Variants in EIF2AK3 observed in about 807,000 individuals in gnomAD.
EIF2AK3 encodes eukaryotic translation initiation factor 2-alpha kinase 3.
A neutral mutation model predicts 113.5 loss-of-function variants in EIF2AK3; 50 were observed. The ratio of observed to expected loss-of-function variants is 0.44; its 90% CI spans 0.35 to 0.56. EIF2AK3 has a LOEUF of 0.56. Among genes scored for constraint, EIF2AK3 ranks in the 20% least tolerant of loss-of-function variants. EIF2AK3 has a pLI of 0.00. For synonymous variants in EIF2AK3, 448 were observed against 495.4 expected, an observed-to-expected ratio of 0.90 and a Z score of 1.27; for missense variants, 1,185 against 1,378.0, an observed-to-expected ratio of 0.86 and a Z score of 2.22.
intron 1 of EIF2AK3, among the ~76,000 whole-genome samples, chr2:88,617,860 T>C (rs902885104): frequency 1.3e-4 from 20 of 151,798 alleles, no homozygotes; most frequent in African/African-American, 4.6e-4. Context: ...GAAATAAAAG[T>C]TGAACTTAAA....
chr2:88,599,029 CT>C (rs1197054343), intron 2 of EIF2AK3, among the ~76,000 whole-genome samples: 4 of 149,190 alleles, frequency 2.7e-5, no homozygotes, highest in Non-Finnish European at 4.5e-5. Context: ...TTTTTTTTTT[CT>C]TTTTTGGTAC....
chr2:88,569,637 C>T (rs1430383923), intron 14 of EIF2AK3, among the ~76,000 whole-genome samples: 1 of 151,972 alleles, frequency 6.6e-6, no homozygotes. Flanking sequence ...CAATAGTTTC[C>T]AAATGACTAA....
At position 88,560,836 on chromosome 2, in the gene EIF2AK3, A is replaced by C. The variant is rs978058978; in HGVS notation, c.3087+1453T>G. ...TCATTTTGCTCTATGTGAGAACTAC[A>C]TCCTCTTCTACCATGGCCAGAGATC... On this transcript the variant is annotated intron_variant, in intron 15 of 16. Transcript: ENST00000303236. Among the ~76,000 whole-genome samples, 4 of 151,736 alleles carry C rather than the reference A, an allele frequency of 2.6e-5. No individual in the cohort carries two copies. The East Asian group carries it at 7.7e-4, about 29-fold the overall frequency.
rs191337966 is a variant in EIF2AK3 at position 88,612,474 on chromosome 2, C to A, written c.438+1250G>T. Among the ~76,000 whole-genome samples the A allele has an allele frequency of 1.7e-3, 257 of 152,286 alleles. 1 individual carries two copies. Among genetic ancestry groups the A allele is most frequent in the African/African-American group, 5.9e-3 (247 of 41,544 alleles). On this transcript the variant is annotated intron_variant, in intron 2 of 16. Transcript: ENST00000303236. ...CTTAATGTAATTTACAATCAAATTG[C>A]TATTTGTATTAATAATTCATAATAC...
chr2:88,609,810 G>T (rs928609881), intron 2 of EIF2AK3, among the ~76,000 whole-genome samples: 1 of 151,788 alleles, frequency 6.6e-6, no homozygotes, highest in Admixed American at 6.6e-5. Context: ...GTGAATTCTA[G>T]AATACTGGAA....
rs368228132 is a variant in EIF2AK3 at position 88,592,730 on chromosome 2, T to A, written c.767+542A>T. On this transcript the variant is annotated intron_variant, in intron 4 of 16. Transcript: ENST00000303236. ...GTGAGCTAAGATCATGCCATTGCACTCCAGCCTGGGCAACAAGAGTGAAAC... is the reference window on the plus strand; with the variant it reads ...GTGAGCTAAGATCATGCCATTGCACACCAGCCTGGGCAACAAGAGTGAAAC... Among the ~76,000 whole-genome samples the A allele has an allele frequency of 6.1e-4, 86 of 141,704 alleles. 3 individuals carry two copies. In the South Asian group the frequency reaches 0.019, roughly 31 times the overall value. 93.0% of individuals were successfully genotyped at this position (141,704 alleles called of 152,430 possible).
At chr2:88,626,584 G>A (rs2103991075) in intron 1 of EIF2AK3, among the ~76,000 whole-genome samples, 2 of 152,382 alleles carry the variant, frequency 1.3e-5, no homozygotes, top group Admixed American at 6.5e-5. Flanking sequence ...TCTCAAAACA[G>A]CTGTCACGCC....
At chr2:88,576,041 G>C (rs948629618) in intron 12 of EIF2AK3, among the ~76,000 whole-genome samples, 1 of 152,310 alleles carries the variant, frequency 6.6e-6, no homozygotes, top group East Asian at 1.9e-4. Flanking sequence ...TTCAGGCTAA[G>C]TTTATGTATT....
chr2:88,592,380 G>A (rs1674909532), intron 4 of EIF2AK3, among the ~76,000 whole-genome samples: 1 of 152,240 alleles, frequency 6.6e-6, no homozygotes, highest in East Asian at 1.9e-4. Flanking sequence ...TAATTAGAGA[G>A]TCAAATAAGT....
At chr2:88,578,893 A>G (rs913816724) in intron 11 of EIF2AK3, among the ~76,000 whole-genome samples, 6 of 152,206 alleles carry the variant, frequency 3.9e-5, no homozygotes, top group Admixed American at 2.6e-4. Context: ...ATTCTAACAA[A>G]TTAGAAACCA....
chr2:88,607,941 A>G (rs2104461589), intron 2 of EIF2AK3, among the ~76,000 whole-genome samples: 1 of 152,356 alleles, frequency 6.6e-6, no homozygotes, highest in Non-Finnish European at 1.5e-5. Context: ...AGGAAATTAA[A>G]GCTCTACTGA....
rs144023546 is a variant in EIF2AK3 at position 88,608,519 on chromosome 2, C to T, written c.438+5205G>A. Among the ~76,000 whole-genome samples, 489 of 152,134 alleles carry T rather than the reference C, an allele frequency of 3.2e-3. 5 individuals are homozygous for T. The highest frequency in any genetic ancestry group is 6.0e-3 in the East Asian group (31 of 5,178). ...CTGCCTGCTACAACTGGCCCTCTTC[C>T]CTACACCAGCCTTTACAACCAAACA... is the stretch of plus-strand genomic sequence containing the variant. On this transcript the variant is annotated intron_variant, in intron 2 of 16. Coordinates refer to ENST00000303236, the MANE Select transcript of EIF2AK3 (RefSeq NM_004836.7).
chr2:88,620,172 T>G (rs530044346), intron 1 of EIF2AK3, among the ~76,000 whole-genome samples: 1 of 152,310 alleles, frequency 6.6e-6, no homozygotes, highest in South Asian at 2.1e-4. Context: ...AAGGTCACAC[T>G]GCTTGGTGTG....
intron 10 of EIF2AK3, among the ~76,000 whole-genome samples, chr2:88,581,940 A>G (rs1674610042): frequency 6.6e-6 from 1 of 152,140 alleles, no homozygotes; most frequent in Non-Finnish European, 1.5e-5. Flanking sequence ...AAAGCTGGAT[A>G]TGCTCTGAAT....
At chr2:88,589,733 G>A (rs570362231) in intron 6 of EIF2AK3, among the ~76,000 whole-genome samples, 3 of 151,560 alleles carry the variant, frequency 2.0e-5, no homozygotes, top group African/African-American at 7.2e-5. Flanking sequence ...ACCCAGGCAG[G>A]AGTGCAGTGA....
chr2:88,559,006 T>C (rs1673867286), intron 15 of EIF2AK3, 27 bp from the exon 16 acceptor site: 4 of 1,470,766 alleles, frequency 2.7e-6, no homozygotes, highest in Non-Finnish European at 3.8e-6. Flanking sequence ...TATCACTTAT[T>C]AAGTTTATTT....
Position 88,558,986 on chromosome 2 carries a change from AG to A in EIF2AK3, c.3088-8del. 4 of 1,559,282 alleles carry A rather than the reference AG, an allele frequency of 2.6e-6. No homozygotes were observed. Among genetic ancestry groups the A allele is most frequent in the Non-Finnish European group, 3.5e-6 (4 of 1,132,700 alleles). On this transcript the variant is annotated splice_polypyrimidine_tract_variant and splice_region_variant and intron_variant, in intron 15 of 16. Transcript: ENST00000303236. ...TTCTTACATCAGTTAAGGTCTAAAA[AG>A]AAAAAAAGTATCACTTATTAAGTTT...
intron 2 of EIF2AK3, among the ~76,000 whole-genome samples, chr2:88,602,361 C>A (rs1047228485): frequency 6.6e-6 from 1 of 152,072 alleles, no homozygotes; most frequent in Non-Finnish European, 1.5e-5. Context: ...ACCAGGAACA[C>A]ACTGGCCCTG....
intron 16 of EIF2AK3, among the ~76,000 whole-genome samples, chr2:88,558,222 CA>C (rs1673838221): frequency 6.6e-6 from 1 of 151,892 alleles, no homozygotes; most frequent in Non-Finnish European, 1.5e-5. Context: ...ACCCTCATTC[CA>C]AAAAAACATG....
Sources: allele counts gnomAD v4.1 joint callset (sites outside exome capture counted in the v4.1 genomes callset), GRCh38; gene constraint gnomAD v4.1.1; transcripts MANE v1.5; gene names NCBI Gene and HGNC (gene_info 2026-07-23, HGNC 2026-07-21).